Variants in CEP250 observed in about 807,000 individuals in gnomAD.
CEP250 encodes the protein centrosome-associated protein CEP250.
In CEP250, 242 loss-of-function variants were observed where a neutral mutation model predicts 315.7. That is an observed-to-expected ratio of 0.77 (90% CI 0.69 to 0.85). The LOEUF is 0.85. CEP250 is among the 40% of genes least tolerant of loss of function. The pLI is 0.00. For missense variants in CEP250, 2,515 were observed against 2,886.4 expected (o/e 0.87, Z 2.95); for synonymous variants, 1,088 against 1,175.0 (o/e 0.93, Z 1.51).
rs753546802 is a variant in CEP250, at chr20:35,466,039, G to T, written c.327G>T (p.Arg109Ser). ...LLVRLEEEQQRCESLAEVNTQ... is the reference protein window; with the variant it reads ...LLVRLEEEQQSCESLAEVNTQ... ...CCACTTTTACCCCTCCCCAGTGCAG[G>T]TGTGAGAGTCTAGCAGAGGTGAACA... Residue 109 changes from arginine (R) to serine (S), a missense_variant and splice_region_variant, in exon 7 of 35, where the codon AGG becomes AGT. Physicochemically the swap from Arg to Ser is moderately radical, Grantham distance 110. Coordinates refer to ENST00000397527, the MANE Select transcript of CEP250 (RefSeq NM_007186.6). The T allele has an allele frequency of 2.5e-6, 4 of 1,614,180 alleles. No individual in the cohort carries two copies. The highest frequency in any genetic ancestry group is 3.4e-6 in the Non-Finnish European group (4 of 1,180,022).
chr20:35,489,718 C>T (rs2063629137), intron 20 of CEP250, among the ~76,000 whole-genome samples: 1 of 152,182 alleles, frequency 6.6e-6, no homozygotes, highest in Non-Finnish European at 1.5e-5. Context: ...GCACCCCTAT[C>T]CTAATGCTCT....
intron 20 of CEP250, among the ~76,000 whole-genome samples, chr20:35,483,276 C>G (rs910343909): frequency 2.0e-5 from 3 of 150,972 alleles, no homozygotes; most frequent in Non-Finnish European, 2.9e-5. Context: ...GCTGAGATCG[C>G]GCCATTACAC....
Position 35,503,635 on chromosome 20 carries a change from GAGC to G in CEP250, c.5273_5275del (p.Gln1758del). 6.2e-7 allele frequency: 1 copy of G among 1,614,084 alleles called. No individual in the cohort carries two copies. Among genetic ancestry groups the G allele is most frequent in the Non-Finnish European group, 8.5e-7 (1 of 1,179,976 alleles). On this transcript the variant is annotated inframe_deletion, in exon 30 of 35. Coordinates refer to ENST00000397527, the MANE Select transcript of CEP250 (RefSeq NM_007186.6). This position sits in a 1 kb window ranked among gnomAD's most constrained non-coding sequence, Gnocchi z 4.2. Reference sequence around the variant, plus strand: ...ACTCCAGGAGCTCAAAGACCAGCTGGAGCAGCAGCTCCAGGGCCTGCACAGGAA... The same window carrying G: ...ACTCCAGGAGCTCAAAGACCAGCTGGAGCAGCTCCAGGGCCTGCACAGGAA...
At chr20:35,470,020 C>T (rs374885670) in intron 10 of CEP250, 34 bp downstream of exon 10, 39 of 1,455,580 alleles carry the variant, frequency 2.7e-5, no homozygotes, top group Non-Finnish European at 3.8e-5. Context: ...AGGAGTTGGG[C>T]GTGGGCTTGT....
In CEP250 at chr20:35,455,680, G is replaced by T. The variant is rs570186145; in HGVS notation, c.-369G>T. The T allele has an allele frequency of 9.2e-5, 14 of 152,194 alleles. No homozygotes were observed. Among genetic ancestry groups the T allele is most frequent in the African/African-American group, 3.4e-4 (14 of 41,426 alleles). 9.4% of individuals were successfully genotyped at this position (152,194 alleles called of 1,614,324 possible). A position where few individuals can be genotyped will look rare whatever the true frequency, so the allele number is the denominator to read the frequency against. ...CGCTTCTCAGCCGCCTTCTCCAGGCGCAGCTGCATTCGCTTCTCGGTTTTT... is the reference window on the plus strand; with the variant it reads ...CGCTTCTCAGCCGCCTTCTCCAGGCTCAGCTGCATTCGCTTCTCGGTTTTT... On this transcript the variant is annotated 5_prime_UTR_variant, in exon 1 of 35. Coordinates refer to ENST00000397527, the MANE Select transcript of CEP250 (RefSeq NM_007186.6).
intron 5 of CEP250, 126 bp from the exon 6 acceptor site, chr20:35,465,617 G>GC: frequency 1.5e-6 from 1 of 648,322 alleles, no homozygotes. Context: ...GAGAATAGAA[G>GC]CATATTGCTA....
Position 35,498,719 on chromosome 20 carries a change from A to G in CEP250, c.3777+3A>G, listed in dbSNP as rs779294396. 4.5e-6 allele frequency: 7 copies of G among 1,566,062 alleles called. No individual in the cohort carries two copies. The highest frequency in any genetic ancestry group is 1.2e-5 in the South Asian group (1 of 83,338). On this transcript the variant is annotated splice_donor_region_variant and intron_variant, in intron 27 of 34. Coordinates refer to ENST00000397527, the MANE Select transcript of CEP250 (RefSeq NM_007186.6). ...TGTGGAAGACTCAACAGACCCGGGT[A>G]TGTTTCTCTGCTCCCCTTTCCCGAA...
Position 35,502,509 on chromosome 20 carries a change from C to T in CEP250, c.4140C>T (p.Asp1380=). The part of the protein sequence containing the change: ...QASAAGILEE[D]LRTARSALKL... Reference sequence around the variant, plus strand: ...GTGCTGCTGGCATCCTGGAAGAAGACCTGAGAACGGCTCGCTCAGCACTGA... The same window carrying T: ...GTGCTGCTGGCATCCTGGAAGAAGATCTGAGAACGGCTCGCTCAGCACTGA... Residue 1380 remains aspartate, a synonymous_variant, in exon 30 of 35, where the codon GAC becomes GAT. Coordinates refer to ENST00000397527, the MANE Select transcript of CEP250 (RefSeq NM_007186.6). 1.2e-6 allele frequency: 2 copies of T among 1,614,202 alleles called. No homozygotes were observed. Among genetic ancestry groups the T allele is most frequent in the Admixed American group, 1.7e-5 (1 of 60,020 alleles).
chr20:35,486,009 A>G (rs1012500550), intron 20 of CEP250, among the ~76,000 whole-genome samples: 2 of 144,342 alleles, frequency 1.4e-5, no homozygotes, highest in Non-Finnish European at 3.0e-5. Flanking sequence ...TTACATTTGC[A>G]TTGGGTGAAA....
chr20:35,496,791 A>G, intron 25 of CEP250, 76 bp downstream of exon 25: 1 of 1,500,020 alleles, frequency 6.7e-7, no homozygotes, highest in Non-Finnish European at 9.0e-7. Context: ...GATTGCTCTG[A>G]GTCCTCTCAT....
chr20:35,497,857 G>A lies in CEP250; in HGVS notation c.3445G>A (p.Ala1149Thr). ...RASLWAQEAK[A>T]AQLQLRLRST... Reference sequence around the variant, plus strand: ...CTCCTTGTGGGCCCAGGAAGCCAAGGCAGCCCAACTACAGCTGCGACTGCG... The same window carrying A: ...CTCCTTGTGGGCCCAGGAAGCCAAGACAGCCCAACTACAGCTGCGACTGCG... Residue 1149 changes from alanine (A) to threonine (T), a missense_variant, in exon 26 of 35, where the codon GCA becomes ACA. Transcript: ENST00000397527. 1.9e-6 allele frequency: 3 copies of A among 1,590,630 alleles called. No homozygotes were observed. The highest frequency in any genetic ancestry group is 1.7e-6 in the Non-Finnish European group (2 of 1,168,580).
rs866549979 is a variant in CEP250, at chr20:35,465,755, C to A, written c.256C>A (p.Gln86Lys). ...CTGTCTGGCGCAGGGACCAATCCCC[C>A]AGAGGTGGGAAAATGTGGAGGAGCC... The part of the protein sequence containing the change: ...RLEATGGPIP[Q>K]RWENVEEPNL... The change falls in exon 6 of 35, where the codon CAG becomes AAG. Residue 86 changes from glutamine (Q) to lysine (K), a missense_variant. Physicochemically the swap from Gln to Lys is moderately conservative, Grantham distance 53. Coordinates refer to ENST00000397527, the MANE Select transcript of CEP250 (RefSeq NM_007186.6). 25 of 1,604,766 alleles carry A rather than the reference C, an allele frequency of 1.6e-5. No individual in the cohort carries two copies. The highest frequency in any genetic ancestry group is 2.0e-5 in the Non-Finnish European group (23 of 1,176,034).
chr20:35,505,062 C>T (rs1433545329), intron 30 of CEP250, 57 bp downstream of exon 30: 2 of 1,448,864 alleles, frequency 1.4e-6, no homozygotes, highest in African/African-American at 1.4e-5. Flanking sequence ...TGGCTGAGCT[C>T]AGGGACTGCC....
In CEP250 at chr20:35,488,948, G is replaced by A. The variant is rs930932899; in HGVS notation, c.2587-1689G>A. Among the ~76,000 whole-genome samples the A allele has an allele frequency of 1.7e-4, 26 of 152,128 alleles. 1 individual carries two copies. The highest frequency in any genetic ancestry group is 6.6e-5 in the Admixed American group (1 of 15,266). ...CACCTGTAATCCTAGCACTTTGGGAGGCCTAAGCGGGCAGATCACTTGAGG... is the reference window on the plus strand; with the variant it reads ...CACCTGTAATCCTAGCACTTTGGGAAGCCTAAGCGGGCAGATCACTTGAGG... On this transcript the variant is annotated intron_variant, in intron 20 of 34. Coordinates refer to ENST00000397527, the MANE Select transcript of CEP250 (RefSeq NM_007186.6).
intron 5 of CEP250, 67 bp from the exon 6 acceptor site, chr20:35,465,676 C>T: frequency 8.7e-7 from 1 of 1,149,206 alleles, no homozygotes. Context: ...TGGAAGGGAG[C>T]CTTAGGGAAC....
chr20:35,503,575 A>G lies in CEP250; in HGVS notation c.5206A>G (p.Lys1736Glu), dbSNP rs749865137. The stretch of plus-strand genomic sequence containing the variant: ...GAAGCTGATCCTGCGTGATAAGGAG[A>G]AGGAGGTGGAATGTCAGCAGGAGCA... Reference protein sequence around the residue: ...HMKLILRDKEKEVECQQEHIH... With the variant: ...HMKLILRDKEEEVECQQEHIH... Residue 1736 changes from lysine to glutamate, a missense_variant, in exon 30 of 35, where the codon AAG becomes GAG. Physicochemically the swap from Lys to Glu is moderately conservative, Grantham distance 56 (BLOSUM62 1). Transcript: ENST00000397527. The surrounding 1 kb of genome is among the most constrained non-coding windows in gnomAD (Gnocchi z 4.2). The G allele has an allele frequency of 6.2e-7, 1 of 1,614,090 alleles. No individual in the cohort carries two copies. Among genetic ancestry groups the G allele is most frequent in the Non-Finnish European group, 8.5e-7 (1 of 1,180,004 alleles).
At chr20:35,467,175 T>TGGGGGAGGGGGGGGG in intron 8 of CEP250, 103 bp downstream of exon 8, 1 of 251,242 alleles carries the variant, frequency 4.0e-6, no homozygotes, top group African/African-American at 3.8e-5. Context: ...GTGGGGTGGG[T>TGGGGGAGGGGGGGGG]GGGGGAGTTG....
In CEP250 at chr20:35,473,542, T is replaced by A. The variant is rs1403860570; in HGVS notation, c.1378T>A (p.Ser460Thr). The A allele has an allele frequency of 1.9e-6, 3 of 1,612,030 alleles. No individual in the cohort carries two copies. Among genetic ancestry groups the A allele is most frequent in the Non-Finnish European group, 2.5e-6 (3 of 1,179,008 alleles). ...TGTGGACCTCCAGGGAGAGGTGGAC[T>A]CTCTCAGCAAGTGAGCAGACGGGCT... ...QTVDLQGEVDSLSKERELLQK... is the reference protein window; with the variant it reads ...QTVDLQGEVDTLSKERELLQK... Residue 460 changes from serine to threonine, a missense_variant, in exon 13 of 35, where the codon TCT becomes ACT. By Grantham distance (58) the Ser-to-Thr change is moderately conservative. Transcript: ENST00000397527.
At chr20:35,477,834 T>C (rs1449234039) in intron 16 of CEP250, 37 bp from the exon 17 acceptor site, 3 of 1,504,752 alleles carry the variant, frequency 2.0e-6, no homozygotes, top group East Asian at 4.9e-5. Context: ...ACCATTTGTC[T>C]TTGATGCTTG....
Sources: allele counts gnomAD v4.1 joint callset (sites outside exome capture counted in the v4.1 genomes callset), GRCh38; gene constraint gnomAD v4.1.1; non-coding constraint Gnocchi (gnomAD v3.1); transcripts MANE v1.5; gene names NCBI Gene and HGNC (gene_info 2026-07-23, HGNC 2026-07-21).